Variants in PRELID2 observed in about 807,000 individuals in gnomAD.
PRELID2 encodes the protein PRELI domain-containing protein 2.
In PRELID2, 25 loss-of-function variants were observed where a neutral mutation model predicts 28.4. The observed-to-expected ratio is 0.88, with a 90% CI of 0.64 to 1.23. The LOEUF is 1.23. PRELID2 is among the 50% of genes most tolerant of loss of function. PRELID2 has a pLI of 0.00. For missense variants in PRELID2, 201 were observed against 214.4 expected (o/e 0.94, Z 0.39); for synonymous variants, 76 against 71.6 (o/e 1.06, Z -0.31).
intron 1 of PRELID2, among the ~76,000 whole-genome samples, chr5:145,514,512 C>G (rs1488155417): frequency 6.6e-6 from 1 of 152,094 alleles, no homozygotes; most frequent in East Asian, 1.9e-4. Context: ...GTTCATAAGA[C>G]CTACAAACAG....
intron 1 of PRELID2, among the ~76,000 whole-genome samples, chr5:145,548,366 T>G (rs1270666983): frequency 6.6e-6 from 1 of 152,200 alleles, no homozygotes; most frequent in African/African-American, 2.4e-5. Flanking sequence ...GGGGAAATAT[T>G]TAAGAGAATT....
At chr5:145,791,057 C>T (rs1032533407) in intron 5 of PRELID2, among the ~76,000 whole-genome samples, 5 of 152,044 alleles carry the variant, frequency 3.3e-5, no homozygotes, top group African/African-American at 1.2e-4. Context: ...TAAAGACATA[C>T]CAGCCACTGA....
intron 1 of PRELID2, among the ~76,000 whole-genome samples, chr5:145,560,465 A>T (rs539100864): frequency 6.6e-6 from 1 of 152,238 alleles, no homozygotes; most frequent in South Asian, 2.1e-4. Context: ...AAGGCTTGTA[A>T]TTGGTAAATT....
Position 145,511,714 on chromosome 5 carries a change from C to G in PRELID2, n.71-38399G>C, listed in dbSNP as rs1304536002. On this transcript the variant is annotated intron_variant and non_coding_transcript_variant, in intron 1 of 2. Transcript: ENST00000510259. Reference sequence around the variant, plus strand: ...GGCTGAAACATATCAAGGGACAATGCCAGCATCTCTGTACATTCTATTAGG... The same window carrying G: ...GGCTGAAACATATCAAGGGACAATGGCAGCATCTCTGTACATTCTATTAGG... Among the ~76,000 whole-genome samples, 4 of 152,200 alleles carry G rather than the reference C, an allele frequency of 2.6e-5. No homozygotes were observed. The East Asian group carries it at 7.7e-4, about 29-fold the overall frequency.
chr5:145,820,716 G>C (rs1045588828), intron 2 of PRELID2, among the ~76,000 whole-genome samples: 2 of 152,136 alleles, frequency 1.3e-5, no homozygotes, highest in Admixed American at 6.6e-5. Context: ...TTCGACTGAG[G>C]GGCATAAGGC....
chr5:145,232,735 T>G, the PRELID2 span, among the ~76,000 whole-genome samples: 1 of 152,154 alleles, frequency 6.6e-6, no homozygotes, highest in African/African-American at 2.4e-5. Context: ...GACTCAGAAG[T>G]CTCAGAAGAC....
the PRELID2 span, among the ~76,000 whole-genome samples, chr5:145,361,067 C>T: frequency 6.6e-6 from 1 of 152,078 alleles, no homozygotes; most frequent in East Asian, 1.9e-4. Context: ...GAAAACACTG[C>T]TCAAATGTTA....
the PRELID2 span, among the ~76,000 whole-genome samples, chr5:145,240,398 T>C: frequency 6.6e-6 from 1 of 152,070 alleles, no homozygotes; most frequent in South Asian, 2.1e-4. Context: ...AAATATACAC[T>C]TTTTAAACAA....
intron 1 of PRELID2, among the ~76,000 whole-genome samples, chr5:145,560,886 G>A (rs1752919963): frequency 2.0e-5 from 3 of 152,166 alleles, no homozygotes; most frequent in Admixed American, 2.0e-4. Context: ...CAGAAGGAAG[G>A]CATCTTTGAC....
At chr5:145,739,528 A>G (rs113585455) in intron 1 of PRELID2, among the ~76,000 whole-genome samples, 40 of 152,306 alleles carry the variant, frequency 2.6e-4, no homozygotes, top group African/African-American at 8.9e-4. Flanking sequence ...AAATTTTGGA[A>G]CATCAACAAG....
At chr5:145,298,004 T>C in the PRELID2 span, among the ~76,000 whole-genome samples, 1 of 152,154 alleles carries the variant, frequency 6.6e-6, no homozygotes, top group Non-Finnish European at 1.5e-5. Flanking sequence ...TCCATTCTCA[T>C]GGGTAGGAAG....
intron 1 of PRELID2, among the ~76,000 whole-genome samples, chr5:145,539,158 G>A (rs4445022): frequency 0.19 from 28,622 of 151,930 alleles, 3,564 homozygotes; most frequent in African/African-American, 0.36. Context: ...TGAACAATCT[G>A]CAGTGTTTAT....
the PRELID2 span, among the ~76,000 whole-genome samples, chr5:145,416,298 TA>T: frequency 6.6e-6 from 1 of 152,056 alleles, no homozygotes; most frequent in Non-Finnish European, 1.5e-5. Flanking sequence ...ACGTTAGACC[TA>T]AAACCATAAA....
chr5:145,580,187 C>G (rs1005783752), intron 1 of PRELID2, among the ~76,000 whole-genome samples: 7 of 151,950 alleles, frequency 4.6e-5, no homozygotes, highest in African/African-American at 1.7e-4. Flanking sequence ...GTGGCAAGGC[C>G]ATACATTCTT....
At chr5:145,713,432 TTATATA>T in intron 1 of PRELID2, among the ~76,000 whole-genome samples, 1 of 144,414 alleles carries the variant, frequency 6.9e-6, no homozygotes, top group South Asian at 2.1e-4. Flanking sequence ...ATATCTGACT[TTATATA>T]TATACATATA....
chr5:145,478,930 G>A (rs1299905533), intron 1 of PRELID2, among the ~76,000 whole-genome samples: 1 of 152,132 alleles, frequency 6.6e-6, no homozygotes, highest in Non-Finnish European at 1.5e-5. Flanking sequence ...TATAGCCTGG[G>A]CATGTGCAAT....
chr5:145,796,973 A>G (rs2149818734), intron 4 of PRELID2, among the ~76,000 whole-genome samples: 1 of 152,286 alleles, frequency 6.6e-6, no homozygotes, highest in South Asian at 2.1e-4. Context: ...CATTTACTAA[A>G]TGTTAGCTAC....
the PRELID2 span, among the ~76,000 whole-genome samples, chr5:145,433,972 G>A: frequency 1.3e-5 from 2 of 152,164 alleles, no homozygotes; most frequent in Admixed American, 6.5e-5. Flanking sequence ...GGCAGTCTCA[G>A]GATGTTGACT....
the PRELID2 span, among the ~76,000 whole-genome samples, chr5:145,391,279 C>A: frequency 6.6e-6 from 1 of 152,210 alleles, no homozygotes; most frequent in Non-Finnish European, 1.5e-5. Flanking sequence ...AATGGAGGTT[C>A]CCAAACCTCA....
Sources: gnomAD v4.1 joint callset for allele counts (sites outside exome capture counted in the v4.1 genomes callset) on GRCh38, gnomAD v4.1.1 for gene constraint, MANE v1.5 for transcripts, NCBI Gene and HGNC (gene_info 2026-07-23, HGNC 2026-07-21) for gene names.